Variants in SV2C observed in about 807,000 individuals in gnomAD.
SV2C encodes the protein synaptic vesicle glycoprotein 2C, also known as solute carrier family 22 member B3.
A neutral mutation model predicts 79.7 loss-of-function variants in SV2C; 49 were observed. The observed-to-expected ratio is 0.61, with a 90% CI of 0.49 to 0.78. The LOEUF (loss-of-function observed/expected upper bound fraction) is 0.78. Among genes scored for constraint, SV2C ranks in the 30% least tolerant of loss-of-function variants. The probability of loss-of-function intolerance (pLI) is 0.00; values close to 1 mark genes in which losing one functional copy is unlikely to be tolerated. For missense variants in SV2C, 833 were observed against 912.9 expected (o/e 0.91, Z 1.13); for synonymous variants, 334 against 333.2 (o/e 1.00, Z -0.03).
chr5:76,104,402 C>G (rs1022075747), intron 1 of SV2C, among the ~76,000 whole-genome samples: 3 of 152,172 alleles, frequency 2.0e-5, no homozygotes, highest in African/African-American at 7.2e-5. Flanking sequence ...GAGACAAGGT[C>G]TTGCTATGTT....
At chr5:76,231,217 C>A (rs1745408705) in intron 4 of SV2C, among the ~76,000 whole-genome samples, 1 of 152,150 alleles carries the variant, frequency 6.6e-6, no homozygotes, top group Non-Finnish European at 1.5e-5. Flanking sequence ...AAAGTTTATT[C>A]TTCATGTCCT....
intron 12 of SV2C, among the ~76,000 whole-genome samples, chr5:76,346,769 C>T (rs115079514): frequency 1.3e-3 from 193 of 152,230 alleles, no homozygotes; most frequent in African/African-American, 4.2e-3. Flanking sequence ...AGGATGAAAC[C>T]GACTCCTCAA....
chr5:76,209,477 A>AC (rs2112354095), intron 3 of SV2C, among the ~76,000 whole-genome samples: 1 of 152,366 alleles, frequency 6.6e-6, no homozygotes, highest in Admixed American at 6.5e-5. Context: ...AGCTCTATCA[A>AC]CCACCTGAGA....
the SV2C span, among the ~76,000 whole-genome samples, chr5:76,068,831 C>T: frequency 1.3e-5 from 2 of 151,816 alleles, no homozygotes; most frequent in Admixed American, 1.3e-4. Flanking sequence ...CTTAGGTCAC[C>T]TTAAAGGATA....
At chr5:76,347,725 A>T (rs2112589796) in intron 12 of SV2C, among the ~76,000 whole-genome samples, 1 of 152,324 alleles carries the variant, frequency 6.6e-6, no homozygotes, top group Non-Finnish European at 1.5e-5. Context: ...TGCAAGCGTG[A>T]GCCACCCGTG....
the SV2C span, among the ~76,000 whole-genome samples, chr5:75,977,371 C>T: frequency 6.6e-6 from 1 of 152,150 alleles, no homozygotes; most frequent in Admixed American, 6.6e-5. Flanking sequence ...ACTTTGTAAC[C>T]ACCAATCTGC....
At chr5:76,132,952 CTTTAT>C (rs1748951578) in intron 2 of SV2C, among the ~76,000 whole-genome samples, 1 of 151,432 alleles carries the variant, frequency 6.6e-6, no homozygotes, top group Non-Finnish European at 1.5e-5. Flanking sequence ...AACTTCATTT[CTTTAT>C]ATTATTTTAA....
At chr5:76,258,854 T>C (rs1746378933) in intron 4 of SV2C, among the ~76,000 whole-genome samples, 2 of 152,216 alleles carry the variant, frequency 1.3e-5, no homozygotes, top group African/African-American at 4.8e-5. Context: ...CTGTTTAATT[T>C]TTGTCACTGA....
chr5:76,038,700 T>G, the SV2C span, among the ~76,000 whole-genome samples: 1 of 152,226 alleles, frequency 6.6e-6, no homozygotes, highest in Non-Finnish European at 1.5e-5. Context: ...ATGTTCTCAA[T>G]ATACCCTGAG....
chr5:76,317,541 G>A (rs968647019), intron 12 of SV2C, among the ~76,000 whole-genome samples: 1 of 152,096 alleles, frequency 6.6e-6, no homozygotes, highest in Admixed American at 6.6e-5. Context: ...TTAAAATGTG[G>A]CACTTAGGCC....
At chr5:76,198,227 T>C (rs988469945) in intron 3 of SV2C, among the ~76,000 whole-genome samples, 2 of 152,158 alleles carry the variant, frequency 1.3e-5, no homozygotes, top group Admixed American at 1.3e-4. Flanking sequence ...AAATCTTACG[T>C]TGAAATTTGA....
chr5:76,047,004 T>A, the SV2C span, among the ~76,000 whole-genome samples: 1 of 152,222 alleles, frequency 6.6e-6, no homozygotes, highest in African/African-American at 2.4e-5. Context: ...CTGAAGAATG[T>A]GAATTGAATT....
At chr5:75,877,250 A>T in the SV2C span, among the ~76,000 whole-genome samples, 3 of 152,122 alleles carry the variant, frequency 2.0e-5, no homozygotes, top group Non-Finnish European at 4.4e-5. Context: ...TATGATAATT[A>T]TAAACATGTA....
the SV2C span, chr5:75,921,653 C>T: frequency 8.3e-5 from 60 of 720,362 alleles, no homozygotes; most frequent in South Asian, 4.1e-4. Flanking sequence ...CTGGCCAATG[C>T]GGGGGCCCCC....
chr5:75,953,148 A>T, the SV2C span, among the ~76,000 whole-genome samples: 2 of 152,018 alleles, frequency 1.3e-5, no homozygotes, highest in African/African-American at 4.8e-5. Flanking sequence ...TACAGACAGC[A>T]TATGGTGAGA....
chr5:76,174,034 CT>C, intron 2 of SV2C: 2 of 1,567,718 alleles, frequency 1.3e-6, no homozygotes, highest in South Asian at 2.2e-5. Flanking sequence ...CAAGCATACA[CT>C]GTTGTGCATC....
chr5:76,174,977 C>T (rs1215238787), intron 2 of SV2C, among the ~76,000 whole-genome samples: 1 of 152,200 alleles, frequency 6.6e-6, no homozygotes, highest in African/African-American at 2.4e-5. Flanking sequence ...TGCTGGCACC[C>T]GTGAGCCTGG....
chr5:76,253,760 T>C (rs1222880913), intron 4 of SV2C, among the ~76,000 whole-genome samples: 1 of 152,148 alleles, frequency 6.6e-6, no homozygotes. Flanking sequence ...ATTTTATCTT[T>C]GTGAAATCAA....
chr5:75,891,674 CT>C, the SV2C span, among the ~76,000 whole-genome samples: 3 of 152,018 alleles, frequency 2.0e-5, no homozygotes, highest in African/African-American at 7.2e-5. Context: ...GAAATGTTAC[CT>C]CTGCAATTTA....
Sources: allele counts gnomAD v4.1 joint callset (sites outside exome capture counted in the v4.1 genomes callset), GRCh38; gene constraint gnomAD v4.1.1; transcripts MANE v1.5; gene names NCBI Gene and HGNC (gene_info 2026-07-23, HGNC 2026-07-21).